The following PPP4R4 variants were observed in gnomAD, a reference collection of about 807,000 sequenced individuals.
PPP4R4 encodes the protein protein phosphatase 4 regulatory subunit 4.
PPP4R4 carries 70 observed loss-of-function variants against 121.8 expected under a neutral mutation model. That is an observed-to-expected ratio of 0.57 (90% CI 0.47 to 0.70). PPP4R4 has a LOEUF of 0.70. Among genes scored for constraint, PPP4R4 ranks in the 30% least tolerant of loss-of-function variants. The pLI is 0.00. For missense variants in PPP4R4, 875 were observed against 1,033.6 expected (o/e 0.85, Z 2.10); for synonymous variants, 348 against 355.7 (o/e 0.98, Z 0.24).
At chr14:94,239,236 A>T (rs1892501353) in intron 8 of PPP4R4, among the ~76,000 whole-genome samples, 1 of 149,106 alleles carries the variant, frequency 6.7e-6, no homozygotes, top group Non-Finnish European at 1.5e-5. Context: ...TCTAGGGTAC[A>T]TGGGCACGAC....
chr14:94,242,342 A>G lies in PPP4R4; in HGVS notation c.1200A>G (p.Thr400=). The part of the protein sequence containing the change: ...PKNFHMELYS[T]FFCLCHDPEV... ...ACTTCCACATGGAACTCTATTCTAC[A>G]TTCTTCTGCCTTTGCCATGACCCTG... Residue 400 remains threonine, a synonymous_variant, in exon 11 of 25, where the codon ACA becomes ACG. Coordinates refer to ENST00000304338, the MANE Select transcript of PPP4R4 (RefSeq NM_058237.2). The G allele has an allele frequency of 6.2e-7, 1 of 1,608,906 alleles. No homozygotes were observed. The highest frequency in any genetic ancestry group is 8.5e-7 in the Non-Finnish European group (1 of 1,175,554).
intron 2 of PPP4R4, among the ~76,000 whole-genome samples, chr14:94,206,317 T>C (rs1890456726): frequency 6.6e-6 from 1 of 152,068 alleles, no homozygotes; most frequent in African/African-American, 2.4e-5. Flanking sequence ...TATGATACAT[T>C]ATTTTCCATT....
chr14:94,215,000 A>C lies in PPP4R4; in HGVS notation c.294+6434A>C, dbSNP rs982448574. Among the ~76,000 whole-genome samples the C allele has an allele frequency of 2.0e-5, 3 of 152,334 alleles. No homozygotes were observed. In the South Asian group the frequency reaches 6.2e-4, roughly 32 times the overall value. ...AATTTCATATTTAGACTTGGGTCCT[A>C]TCCCCAAGGTATTTCATTATGAATA... On this transcript the variant is annotated intron_variant, in intron 3 of 24. Coordinates refer to ENST00000304338, the MANE Select transcript of PPP4R4 (RefSeq NM_058237.2).
intron 2 of PPP4R4, among the ~76,000 whole-genome samples, chr14:94,199,049 C>T (rs779008647): frequency 2.0e-5 from 3 of 152,194 alleles, no homozygotes; most frequent in Non-Finnish European, 2.9e-5. Flanking sequence ...TAAGCTTGTT[C>T]ATTTCTGCAG....
At chr14:94,193,521 A>T (rs1417022409) in intron 2 of PPP4R4, among the ~76,000 whole-genome samples, 1 of 152,198 alleles carries the variant, frequency 6.6e-6, no homozygotes, top group Non-Finnish European at 1.5e-5. Flanking sequence ...CTTATAGTAT[A>T]TTAGATGCTA....
intron 14 of PPP4R4, 72 bp from the exon 15 acceptor site, chr14:94,250,100 G>T: frequency 1.0e-6 from 1 of 999,090 alleles, no homozygotes; most frequent in East Asian, 2.4e-5. Flanking sequence ...ACTTAAAATT[G>T]ATTTGGTGGG....
At chr14:94,277,651 A>G (rs552764054) in intron 24 of PPP4R4, among the ~76,000 whole-genome samples, 2 of 152,202 alleles carry the variant, frequency 1.3e-5, no homozygotes, top group African/African-American at 2.4e-5. Flanking sequence ...AGTAAAGACC[A>G]TTGAAACCCA....
chr14:94,221,762 A>C (rs983776648), intron 3 of PPP4R4, among the ~76,000 whole-genome samples: 1 of 152,110 alleles, frequency 6.6e-6, no homozygotes, highest in Admixed American at 6.5e-5. Flanking sequence ...GTTGGTGGGA[A>C]TATAAAATGG....
chr14:94,215,826 A>G (rs918430523), intron 3 of PPP4R4, among the ~76,000 whole-genome samples: 10 of 152,212 alleles, frequency 6.6e-5, no homozygotes, highest in Non-Finnish European at 1.5e-4. Context: ...CTTTTTACAT[A>G]TATATCTATT....
intron 24 of PPP4R4, 27 bp downstream of exon 24, chr14:94,275,548 A>G (rs1309410543): frequency 1.2e-6 from 2 of 1,611,868 alleles, no homozygotes; most frequent in South Asian, 2.2e-5. Flanking sequence ...TGTCAGACTG[A>G]GTGTATTATC....
rs557033080 is a variant in PPP4R4 at position 94,236,546 on chromosome 14, A to G, written c.732-1019A>G. On this transcript the variant is annotated intron_variant, in intron 7 of 24. Coordinates refer to ENST00000304338, the MANE Select transcript of PPP4R4 (RefSeq NM_058237.2). ...ATCTAGATCAATCTCTTAGAAAAAC[A>G]TGTTTTTTTGTGGCTCTTCAATTGC... 7.0e-4 allele frequency among the ~76,000 whole-genome samples: 106 copies of G among 152,262 alleles called. 1 individual carries two copies. The highest frequency in any genetic ancestry group is 1.3e-3 in the Non-Finnish European group (87 of 68,000).
At chr14:94,237,815 G>T in intron 8 of PPP4R4, 129 bp downstream of exon 8, 1 of 1,215,580 alleles carries the variant, frequency 8.2e-7, no homozygotes, top group Non-Finnish European at 1.1e-6. Context: ...CTCTTTTTAT[G>T]ATTCATTCTG....
At chr14:94,249,670 C>T (rs1189237996) in intron 14 of PPP4R4, among the ~76,000 whole-genome samples, 1 of 151,954 alleles carries the variant, frequency 6.6e-6, no homozygotes, top group East Asian at 1.9e-4. Flanking sequence ...GAATGATTGA[C>T]ATGGTGTCCT....
At chr14:94,176,402 G>C (rs1187695415) in intron 2 of PPP4R4, among the ~76,000 whole-genome samples, 1 of 151,964 alleles carries the variant, frequency 6.6e-6, no homozygotes, top group African/African-American at 2.4e-5. Context: ...TTTCTTTTCT[G>C]GCTTTGGTTT....
Position 94,229,411 on chromosome 14 carries a change from A to G in PPP4R4, c.295-1176A>G, listed in dbSNP as rs141083798. Among the ~76,000 whole-genome samples, 249 of 152,236 alleles carry G rather than the reference A, an allele frequency of 1.6e-3. 2 individuals carry two copies. Among genetic ancestry groups the G allele is most frequent in the African/African-American group, 5.8e-3 (242 of 41,552 alleles). On this transcript the variant is annotated intron_variant, in intron 3 of 24. Coordinates refer to ENST00000304338, the MANE Select transcript of PPP4R4 (RefSeq NM_058237.2). ...CTGAGCAGCTGGAATGGCAGAGATGACATTTACTATTTATCAGGATGAGGA... is the reference window on the plus strand; with the variant it reads ...CTGAGCAGCTGGAATGGCAGAGATGGCATTTACTATTTATCAGGATGAGGA...
intron 22 of PPP4R4, among the ~76,000 whole-genome samples, 153 bp from the exon 23 acceptor site, chr14:94,266,806 C>T (rs1894075118): frequency 6.6e-6 from 1 of 151,916 alleles, no homozygotes; most frequent in Non-Finnish European, 1.5e-5. Context: ...TGTTGTGAGG[C>T]ATGAATATAA....
At chr14:94,175,054 T>G (rs1207387061) in intron 1 of PPP4R4, among the ~76,000 whole-genome samples, 1 of 138,214 alleles carries the variant, frequency 7.2e-6, no homozygotes, top group Non-Finnish European at 1.5e-5. Flanking sequence ...CAACCTCTGG[T>G]CCGCTGACGC....
At position 94,265,893 on chromosome 14, in the gene PPP4R4, A is replaced by G. The variant is rs760947246; in HGVS notation, c.2378+6A>G. 6.5e-7 allele frequency: 1 copy of G among 1,531,122 alleles called. No homozygotes were observed. Among genetic ancestry groups the G allele is most frequent in the Non-Finnish European group, 9.0e-7 (1 of 1,114,010 alleles). The allele number at this position is 1,531,122 out of a possible 1,614,324, so 94.8% of individuals were successfully genotyped here. On this transcript the variant is annotated splice_donor_region_variant and intron_variant, in intron 22 of 24. Transcript: ENST00000304338. ...AACTTAGAGAAATGTGCTAGGTACGATCTGTAAGCCCTTCAATTTTTAACA... is the reference window on the plus strand; with the variant it reads ...AACTTAGAGAAATGTGCTAGGTACGGTCTGTAAGCCCTTCAATTTTTAACA...
chr14:94,177,093 C>T (rs1475782102), intron 2 of PPP4R4, among the ~76,000 whole-genome samples: 2 of 152,074 alleles, frequency 1.3e-5, no homozygotes, highest in South Asian at 4.1e-4. Flanking sequence ...AAATCCCTCT[C>T]CAGGTCTTCA....
Sources: allele counts gnomAD v4.1 joint callset (sites outside exome capture counted in the v4.1 genomes callset), GRCh38; gene constraint gnomAD v4.1.1; transcripts MANE v1.5; gene names NCBI Gene and HGNC (gene_info 2026-07-23, HGNC 2026-07-21).